MECR: variants seen among roughly 807,000 people sequenced by gnomAD.
The protein encoded by MECR is mitochondrial trans-2-enoyl-CoA reductase.
A neutral mutation model predicts 49.1 loss-of-function variants in MECR; 37 were observed. The ratio of observed to expected loss-of-function variants is 0.75; its 90% CI spans 0.58 to 0.99. The LOEUF (loss-of-function observed/expected upper bound fraction) is 0.99. Ranked by LOEUF, MECR falls within the 50% of genes least tolerant of loss-of-function variation. MECR has a pLI of 0.00. For synonymous variants in MECR, 198 were observed against 191.1 expected, an observed-to-expected ratio of 1.04 and a Z score of -0.30; for missense variants, 470 against 479.6, an observed-to-expected ratio of 0.98 and a Z score of 0.19.
intron 7 of MECR, among the ~76,000 whole-genome samples, chr1:29,198,680 G>C (rs1354929343): frequency 6.6e-6 from 1 of 151,954 alleles, no homozygotes; most frequent in African/African-American, 2.4e-5. Context: ...GCAATGGCAC[G>C]ATCTTGGCTC....
chr1:29,173,927 G>A, the MECR span, among the ~76,000 whole-genome samples: 2 of 151,542 alleles, frequency 1.3e-5, no homozygotes, highest in African/African-American at 2.4e-5. Context: ...GGTGGCTCAC[G>A]CCTGTAATCC....
Position 29,201,657 on chromosome 1 carries a change from C to T in MECR, c.756+286G>A. On this transcript the variant is annotated intron_variant, in intron 6 of 9. Transcript: ENST00000263702. This position sits in a 1 kb window ranked among gnomAD's most constrained non-coding sequence, Gnocchi z 4.3. ...TTCCTCAGGTCCTCTCCTGCCAGTT[C>T]TAAGAGTCACACATGTGGGCTGATG... 2 of 528,850 alleles carry T rather than the reference C, an allele frequency of 3.8e-6. No individual in the cohort carries two copies. The highest frequency in any genetic ancestry group is 6.9e-6 in the Non-Finnish European group (2 of 290,614). 32.8% of individuals were successfully genotyped at this position (528,850 alleles called of 1,614,324 possible).
intron 7 of MECR, among the ~76,000 whole-genome samples, chr1:29,198,831 G>A (rs1674634202): frequency 6.6e-6 from 1 of 152,182 alleles, no homozygotes; most frequent in African/African-American, 2.4e-5. Context: ...TGGCCAGGAT[G>A]GTCTCGAATT....
the MECR span, chr1:29,169,312 T>C: frequency 6.6e-6 from 1 of 152,210 alleles, no homozygotes; most frequent in Non-Finnish European, 1.5e-5. Context: ...CCGCCTCCTA[T>C]ATACCAATGA....
chr1:29,188,394 G>A (rs565487578), downstream of MECR, among the ~76,000 whole-genome samples: 107 of 151,988 alleles, frequency 7.0e-4, no homozygotes, highest in Non-Finnish European at 1.1e-3. Flanking sequence ...AGTAGAGACA[G>A]GATTTCTCCA....
chr1:29,209,522 G>C (rs1226932602), intron 3 of MECR, among the ~76,000 whole-genome samples: 1 of 152,160 alleles, frequency 6.6e-6, no homozygotes, highest in African/African-American at 2.4e-5. Context: ...TCTTTGTGGG[G>C]GTCGAGGTAT....
chr1:29,181,847 CG>C, the MECR span: 1 of 1,057,314 alleles, frequency 9.5e-7, no homozygotes, highest in Non-Finnish European at 1.2e-6. Flanking sequence ...GCGGCGGCAA[CG>C]GGCGGGCGGC....
At chr1:29,168,036 A>G in the MECR span, among the ~76,000 whole-genome samples, 1 of 150,944 alleles carries the variant, frequency 6.6e-6, no homozygotes, top group Admixed American at 6.6e-5. Flanking sequence ...TTTTAAAAAA[A>G]ACATAGTCTC....
chr1:29,213,696 G>A (rs1481505468), intron 3 of MECR, among the ~76,000 whole-genome samples: 1 of 152,242 alleles, frequency 6.6e-6, no homozygotes, highest in Non-Finnish European at 1.5e-5. Context: ...TCTATGAGAG[G>A]TATGTATCAG....
chr1:29,206,245 G>A (rs1474830994), intron 4 of MECR, among the ~76,000 whole-genome samples: 1 of 152,210 alleles, frequency 6.6e-6, no homozygotes, highest in African/African-American at 2.4e-5. Context: ...CCTGGGGTCA[G>A]ACCCAGGTTA....
At position 29,196,284 on chromosome 1, in the gene MECR, G is replaced by A. The variant is rs749270403; in HGVS notation, c.831-26C>T. The stretch of plus-strand genomic sequence containing the variant: ...CTGAAAAGTCCAAAGAGAACAAAGA[G>A]TGGATGCAAGGCAGAGACAGAGCCC... On this transcript the variant is annotated intron_variant, in intron 7 of 9. Coordinates refer to ENST00000263702, the MANE Select transcript of MECR (RefSeq NM_016011.5). 8 of 1,597,336 alleles carry A rather than the reference G, an allele frequency of 5.0e-6. No individual in the cohort carries two copies. In the East Asian group the frequency reaches 1.3e-4, roughly 27 times the overall value.
the MECR span, among the ~76,000 whole-genome samples, chr1:29,180,787 C>T: frequency 6.6e-6 from 1 of 152,210 alleles, no homozygotes; most frequent in Non-Finnish European, 1.5e-5. Flanking sequence ...ACCTGTAGCT[C>T]ATGCTGGCAC....
At chr1:29,207,158 G>C (rs1287851856) in intron 3 of MECR, among the ~76,000 whole-genome samples, 1 of 152,034 alleles carries the variant, frequency 6.6e-6, no homozygotes, top group Non-Finnish European at 1.5e-5. Context: ...GTCTTGCTCT[G>C]TAGCCCAGGC....
At position 29,203,165 on chromosome 1, in the gene MECR, G is replaced by T. The variant is rs1201357490; in HGVS notation, c.619C>A (p.Leu207Met). The T allele has an allele frequency of 6.3e-7, 1 of 1,584,148 alleles. No individual in the cohort carries two copies. Reference protein sequence around the residue: ...GQAVIQIAAALGLRTINVVRD... With the variant: ...GQAVIQIAAAMGLRTINVVRD... ...ACCACATTGATGGTTCTTAGGCCCAGGGCTGCGGCGATCTGGATGACTGCT... is the reference window on the plus strand; with the variant it reads ...ACCACATTGATGGTTCTTAGGCCCATGGCTGCGGCGATCTGGATGACTGCT... Residue 207 changes from leucine to methionine, a missense_variant, in exon 5 of 10, where the codon CTG (leucine) becomes ATG (methionine). Leu to Met is a conservative substitution (Grantham distance 15). Coordinates refer to ENST00000263702, the MANE Select transcript of MECR (RefSeq NM_016011.5).
chr1:29,223,206 C>T (rs1413633100), intron 1 of MECR: 2 of 985,310 alleles, frequency 2.0e-6, no homozygotes, highest in East Asian at 1.1e-4. Context: ...CCTCAATCAA[C>T]AGATCCCAGC....
the MECR span, among the ~76,000 whole-genome samples, chr1:29,177,677 G>T: frequency 6.6e-6 from 1 of 152,076 alleles, no homozygotes; most frequent in South Asian, 2.1e-4. Flanking sequence ...GATCTTCGTT[G>T]TATTTGTGGT....
intron 2 of MECR, 65 bp downstream of exon 2, chr1:29,216,523 A>G (rs760751603): frequency 1.4e-6 from 2 of 1,477,700 alleles, no homozygotes; most frequent in Non-Finnish European, 1.9e-6. Flanking sequence ...CCTGAGGAGG[A>G]ATGAAAATGA....
At chr1:29,226,167 T>TG (rs1491141216) in intron 1 of MECR, among the ~76,000 whole-genome samples, 6 of 44,364 alleles carry the variant, frequency 1.4e-4, no homozygotes, top group East Asian at 1.3e-3. Context: ...AGGCTCTATC[T>TG]AAAAAAAAAA....
intron 3 of MECR, among the ~76,000 whole-genome samples, chr1:29,210,910 G>A (rs1390900638): frequency 1.3e-5 from 2 of 152,176 alleles, no homozygotes; most frequent in Admixed American, 6.5e-5. Flanking sequence ...CACAGTGGGT[G>A]TATAACACAC....
Sources: gnomAD v4.1 joint callset for allele counts (sites outside exome capture counted in the v4.1 genomes callset) on GRCh38, gnomAD v4.1.1 for gene constraint, Gnocchi (gnomAD v3.1) non-coding constraint, MANE v1.5 for transcripts, NCBI Gene and HGNC (gene_info 2026-07-23, HGNC 2026-07-21) for gene names.